IRF6: variants seen among roughly 807,000 people sequenced by gnomAD.
The protein encoded by IRF6 is interferon regulatory factor 6, also known as Van der Woude syndrome.
Under a neutral mutation model 51.4 loss-of-function variants are expected in IRF6, and 6 were observed. The ratio of observed to expected loss-of-function variants is 0.12; its 90% CI spans 0.06 to 0.23. IRF6 has a LOEUF of 0.23. Among genes scored for constraint, IRF6 ranks in the 10% least tolerant of loss-of-function variants. The probability of loss-of-function intolerance (pLI) is 1.00; values close to 1 mark genes in which losing one functional copy is unlikely to be tolerated. For missense variants in IRF6, 348 were observed against 585.2 expected (o/e 0.59, Z 4.18); for synonymous variants, 178 against 215.7 (o/e 0.83, Z 1.53).
chr1:209,805,599 G>A (rs2077969184), intron 1 of IRF6, among the ~76,000 whole-genome samples: 1 of 152,220 alleles, frequency 6.6e-6, no homozygotes, highest in Non-Finnish European at 1.5e-5. Flanking sequence ...CTGGGACACA[G>A]GGGCCAGCCG....
intron 4 of IRF6, among the ~76,000 whole-genome samples, 163 bp from the exon 5 acceptor site, chr1:209,795,581 C>A (rs1211920608): frequency 6.6e-6 from 1 of 152,190 alleles, no homozygotes; most frequent in Non-Finnish European, 1.5e-5. Flanking sequence ...AGGGAATGAA[C>A]ACTTCTCTCA....
At position 209,801,172 on chromosome 1, in the gene IRF6, A is replaced by C. The variant is rs1301199882; in HGVS notation, c.174+68T>G. 4 of 1,309,864 alleles carry C rather than the reference A, an allele frequency of 3.1e-6. No individual in the cohort carries two copies. In the East Asian group the frequency reaches 9.6e-5, roughly 31 times the overall value. 81.1% of individuals were successfully genotyped at this position (1,309,864 alleles called of 1,614,324 possible). On this transcript the variant is annotated intron_variant, in intron 3 of 8. Transcript: ENST00000367021. ...TTCACCAGAGTTTTAGATCTAGTGT[A>C]TTCCCCATGCCAAAAAAAAAAAAAA... is the stretch of plus-strand genomic sequence containing the variant.
At chr1:209,791,321 A>C (rs1290348098) in intron 6 of IRF6, among the ~76,000 whole-genome samples, 2 of 152,262 alleles carry the variant, frequency 1.3e-5, no homozygotes, top group Non-Finnish European at 2.9e-5. Context: ...TGAAAATGAC[A>C]TGTGAACACA....
intron 5 of IRF6, among the ~76,000 whole-genome samples, chr1:209,793,769 G>A (rs2077883774): frequency 6.6e-6 from 1 of 152,094 alleles, no homozygotes; most frequent in Non-Finnish European, 1.5e-5. Context: ...CCTTCTTTGT[G>A]TCCATGTGTA....
rs41304121 is a variant in IRF6 at position 209,795,524 on chromosome 1, G to A, written c.380-106C>T. On this transcript the variant is annotated intron_variant, in intron 4 of 8. Coordinates refer to ENST00000367021, the MANE Select transcript of IRF6 (RefSeq NM_006147.4). ...GGACTGCTAGCCCAGAGGCTCCTCA[G>A]GTTCAGTACACACCCTCAATGTCCT... 6.0e-4 allele frequency: 920 copies of A among 1,530,486 alleles called. 3 individuals are homozygous for A. The African/African-American group carries it at 6.6e-3, about 11-fold the overall frequency. The allele number at this position is 1,530,486 out of a possible 1,614,324, so 94.8% of individuals were successfully genotyped here. A position where few individuals can be genotyped will look rare whatever the true frequency, so the allele number is the denominator to read the frequency against.
At chr1:209,792,456 A>G in intron 5 of IRF6, 29 bp from the exon 6 acceptor site, 1 of 1,611,070 alleles carries the variant, frequency 6.2e-7, no homozygotes, top group Non-Finnish European at 8.5e-7. Context: ...GTGAGCAGAC[A>G]GGGGTACCAC....
At chr1:209,802,074 G>T (rs995552958) in intron 1 of IRF6, 31 bp from the exon 2 acceptor site, 1 of 152,210 alleles carries the variant, frequency 6.6e-6, no homozygotes, top group African/African-American at 2.4e-5. Context: ...GTCTCAGCTG[G>T]CTATCCATAC....
At chr1:209,799,158 C>A (rs1024024081) in intron 3 of IRF6, among the ~76,000 whole-genome samples, 3 of 152,134 alleles carry the variant, frequency 2.0e-5, no homozygotes, top group African/African-American at 7.2e-5. Flanking sequence ...CTAATTTCAT[C>A]CCCATTTTAC....
At position 209,790,401 on chromosome 1, in the gene IRF6, GC is replaced by G. The variant is rs1430890572; in HGVS notation, c.1060+93del. The G allele has an allele frequency of 1.4e-6, 2 of 1,438,424 alleles. No individual in the cohort carries two copies. Among genetic ancestry groups the G allele is most frequent in the East Asian group, 4.6e-5 (2 of 43,648 alleles). The allele number at this position is 1,438,424 out of a possible 1,614,324, so 89.1% of individuals were successfully genotyped here. On this transcript the variant is annotated intron_variant, in intron 7 of 8. Coordinates refer to ENST00000367021, the MANE Select transcript of IRF6 (RefSeq NM_006147.4). The surrounding 1 kb of genome is among the most constrained non-coding windows in gnomAD (Gnocchi z 4.8). ...CTAAATTTTTTAAGATCTTTGCCAT[GC>G]CAGGAAAGCAGGAAGGTGAAAGACA...
chr1:209,796,634 AACACACAC>A lies in IRF6; in HGVS notation c.175-90_175-83del, dbSNP rs3028134. On this transcript the variant is annotated intron_variant, in intron 3 of 8. Coordinates refer to ENST00000367021, the MANE Select transcript of IRF6 (RefSeq NM_006147.4). The surrounding 1 kb of genome is among the most constrained non-coding windows in gnomAD (Gnocchi z 4.5). The stretch of plus-strand genomic sequence containing the variant: ...GTGCTTACCCTTTCTCATAGACACA[AACACACAC>A]ACACACACACACACACACACACACA... 12,033 of 585,380 alleles carry A rather than the reference AACACACAC, an allele frequency of 0.021. 161 individuals are homozygous for A. The highest frequency in any genetic ancestry group is 0.086 in the African/African-American group (4,185 of 48,766). 36.3% of individuals were successfully genotyped at this position (585,380 alleles called of 1,614,324 possible). A position where few individuals can be genotyped will look rare whatever the true frequency, so the allele number is the denominator to read the frequency against.
rs2077846207 is a variant in IRF6, at chr1:209,788,293, TG to T, written c.*126del. On this transcript the variant is annotated 3_prime_UTR_variant, in exon 9 of 9. Coordinates refer to ENST00000367021, the MANE Select transcript of IRF6 (RefSeq NM_006147.4). ...AATCAGCTTTAAATCTAGGCATATT[TG>T]GAGAATCACAAACTTCTAACACTGT... 6.5e-5 allele frequency: 44 copies of T among 678,132 alleles called. No homozygotes were observed. The East Asian group carries it at 1.2e-3, about 18-fold the overall frequency. The allele number at this position is 678,132 out of a possible 1,614,324, so 42.0% of individuals were successfully genotyped here.
intron 3 of IRF6, among the ~76,000 whole-genome samples, chr1:209,798,500 C>T (rs2102545051): frequency 6.6e-6 from 1 of 152,350 alleles, no homozygotes; most frequent in East Asian, 1.9e-4. Flanking sequence ...CAACCCAGAA[C>T]CAGAGCCCCA....
intron 8 of IRF6, among the ~76,000 whole-genome samples, chr1:209,788,917 A>C (rs1339827696): frequency 6.6e-6 from 1 of 152,254 alleles, no homozygotes; most frequent in African/African-American, 2.4e-5. Flanking sequence ...TTTACAAAAT[A>C]TCATCTATTG....
rs955800394 is a variant in IRF6, at chr1:209,803,227, G to A, written c.-75-1184C>T. Among the ~76,000 whole-genome samples, 4 of 152,214 alleles carry A rather than the reference G, an allele frequency of 2.6e-5. No homozygotes were observed. In the South Asian group the frequency reaches 6.2e-4, roughly 24 times the overall value. ...CTCCCCAGTCCTATCACTACTGAAA[G>A]GGGGATGGAGCAAGAGAAGGAAAAA... is the stretch of plus-strand genomic sequence containing the variant. On this transcript the variant is annotated intron_variant, in intron 1 of 8. Coordinates refer to ENST00000367021, the MANE Select transcript of IRF6 (RefSeq NM_006147.4).
At chr1:209,792,471 G>C (rs1036957309) in intron 5 of IRF6, 44 bp from the exon 6 acceptor site, 2 of 1,602,342 alleles carry the variant, frequency 1.2e-6, no homozygotes, top group Non-Finnish European at 1.7e-6. Context: ...TACCACACGT[G>C]CACATCACTT....
chr1:209,790,780 T>C lies in IRF6; in HGVS notation c.775A>G (p.Met259Val). 1.9e-6 allele frequency: 3 copies of C among 1,614,190 alleles called. No homozygotes were observed. The highest frequency in any genetic ancestry group is 2.5e-6 in the Non-Finnish European group (3 of 1,180,040). ...CRLFYGDLGPMPDQEELFGPV... is the reference protein window; with the variant it reads ...CRLFYGDLGPVPDQEELFGPV... ...CCAAAGAGCTCCTCCTGGTCAGGCA[T>C]GGGACCCAGGTCCCCATAGAAGAGT... The change falls in exon 7 of 9, where the codon ATG (methionine) becomes GTG (valine). Residue 259 changes from methionine to valine, a missense_variant. Around this residue, in one of 5 missense-constraint regions of IRF6, gnomAD observed 125 missense variants for 222.0 expected, o/e 0.56. Transcript: ENST00000367021. This position sits in a 1 kb window ranked among gnomAD's most constrained non-coding sequence, Gnocchi z 4.8.
chr1:209,794,083 A>G (rs569946440), intron 5 of IRF6, among the ~76,000 whole-genome samples: 28 of 152,300 alleles, frequency 1.8e-4, no homozygotes, highest in Admixed American at 1.2e-3. Flanking sequence ...TTTTGGGTAT[A>G]TACCCAATAA....
Position 209,786,490 on chromosome 1 carries a change from A to G in IRF6, c.*1930T>C, listed in dbSNP as rs1405903194. The G allele has an allele frequency of 6.6e-6, 1 of 152,140 alleles. No individual in the cohort carries two copies. The highest frequency in any genetic ancestry group is 2.4e-5 in the African/African-American group (1 of 41,426). The allele number at this position is 152,140 out of a possible 1,614,324, so 9.4% of individuals were successfully genotyped here. On this transcript the variant is annotated 3_prime_UTR_variant, in exon 9 of 9. Transcript: ENST00000367021. Reference sequence around the variant, plus strand: ...CCCAGATTCAAGAGCTGCCCTTCTAATTTACCTACAGTGGGTTTTTAACTT... The same window carrying G: ...CCCAGATTCAAGAGCTGCCCTTCTAGTTTACCTACAGTGGGTTTTTAACTT...
At chr1:209,794,235 G>T (rs1159699027) in intron 5 of IRF6, among the ~76,000 whole-genome samples, 1 of 152,152 alleles carries the variant, frequency 6.6e-6, no homozygotes, top group Non-Finnish European at 1.5e-5. Context: ...ATCAGCATCT[G>T]TTATTTTTTG....
Sources: allele counts gnomAD v4.1 joint callset (sites outside exome capture counted in the v4.1 genomes callset), GRCh38; gene constraint gnomAD v4.1.1; regional missense constraint gnomAD v4.1.1; non-coding constraint Gnocchi (gnomAD v3.1); transcripts MANE v1.5; gene names NCBI Gene and HGNC (gene_info 2026-07-23, HGNC 2026-07-21).